The following CARMIL1 variants were observed in gnomAD, a reference collection of about 807,000 sequenced individuals.
CARMIL1 encodes capping protein regulator and myosin 1 linker 1.
A neutral mutation model predicts 177.1 loss-of-function variants in CARMIL1; 90 were observed. The ratio of observed to expected loss-of-function variants is 0.51; its 90% CI spans 0.43 to 0.61. The LOEUF (loss-of-function observed/expected upper bound fraction) is 0.61, where lower values mean the gene tolerates loss of function less well. Among genes scored for constraint, CARMIL1 ranks in the 20% least tolerant of loss-of-function variants. The probability of loss-of-function intolerance (pLI) is 0.00; values close to 1 mark genes in which losing one functional copy is unlikely to be tolerated. For missense variants in CARMIL1, 1,380 were observed against 1,667.0 expected (o/e 0.83, Z 3.00); for synonymous variants, 577 against 606.2 (o/e 0.95, Z 0.71).
At chr6:25,321,009 A>C (rs534431358) in intron 2 of CARMIL1, among the ~76,000 whole-genome samples, 2 of 152,314 alleles carry the variant, frequency 1.3e-5, no homozygotes, top group African/African-American at 4.8e-5. Context: ...TGAATTGGAC[A>C]AGCTTTATCT....
At chr6:25,335,504 C>A in intron 2 of CARMIL1, among the ~76,000 whole-genome samples, 1 of 152,168 alleles carries the variant, frequency 6.6e-6, no homozygotes, top group East Asian at 1.9e-4. Context: ...TGTTTTTAAT[C>A]TCCTTGTGAT....
At chr6:25,417,238 C>T (rs9379765) in intron 2 of CARMIL1, among the ~76,000 whole-genome samples, 6,363 of 152,154 alleles carry the variant, frequency 0.042, 251 homozygotes, top group South Asian at 0.11. Flanking sequence ...CAGACCTAGG[C>T]AAATGGCAGT....
At position 25,284,858 on chromosome 6, in the gene CARMIL1, G is replaced by A. The variant is rs774504246; in HGVS notation, c.87G>A (p.Lys29=). 3 of 1,573,884 alleles carry A rather than the reference G, an allele frequency of 1.9e-6. No homozygotes were observed. In the South Asian group the frequency reaches 3.5e-5, roughly 18 times the overall value. Reference sequence around the variant, plus strand: ...GCAGAAAGATAAAAATTTCAGTGAAGAAGAAAGTAAAGTTGGAAGTTAAGG... The same window carrying A: ...GCAGAAAGATAAAAATTTCAGTGAAAAAGAAAGTAAAGTTGGAAGTTAAGG... ...VIGRKIKISV[K]KKVKLEVKGD... Residue 29 remains lysine, a synonymous_variant, in exon 2 of 37, where the codon AAG becomes AAA. Transcript: ENST00000329474.
At chr6:25,540,840 C>G (rs893438800) in intron 26 of CARMIL1, among the ~76,000 whole-genome samples, 7 of 152,206 alleles carry the variant, frequency 4.6e-5, no homozygotes, top group Non-Finnish European at 1.0e-4. Context: ...TCATTAATAA[C>G]TTTGCAGCAT....
intron 33 of CARMIL1, among the ~76,000 whole-genome samples, chr6:25,603,965 C>A (rs114891703): frequency 0.062 from 9,433 of 152,198 alleles, 387 homozygotes; most frequent in Non-Finnish European, 0.093. Context: ...AATAATAGAT[C>A]TGTGTCATGT....
At chr6:25,584,878 G>C (rs1162468334) in intron 31 of CARMIL1, among the ~76,000 whole-genome samples, 1 of 152,110 alleles carries the variant, frequency 6.6e-6, no homozygotes, top group Non-Finnish European at 1.5e-5. Flanking sequence ...CATATTTTGG[G>C]GTAGCATGTC....
intron 2 of CARMIL1, among the ~76,000 whole-genome samples, chr6:25,411,129 A>G (rs1794866000): frequency 6.6e-6 from 1 of 152,194 alleles, no homozygotes; most frequent in African/African-American, 2.4e-5. Flanking sequence ...TTACTTGTGA[A>G]TTTATTTAAA....
chr6:25,607,689 C>A (rs1447677204), intron 35 of CARMIL1, among the ~76,000 whole-genome samples: 3 of 152,166 alleles, frequency 2.0e-5, no homozygotes, highest in Admixed American at 2.0e-4. Context: ...AAGGTAGAAT[C>A]CTGTGTGTCC....
intron 2 of CARMIL1, among the ~76,000 whole-genome samples, chr6:25,336,336 T>C (rs923220730): frequency 6.6e-6 from 1 of 152,160 alleles, no homozygotes; most frequent in Non-Finnish European, 1.5e-5. Context: ...TTTCAGCCAT[T>C]AGTACTCAGC....
rs138349136 is a variant in CARMIL1 at position 25,513,610 on chromosome 6, A to C, written c.1633-2065A>C. The stretch of plus-strand genomic sequence containing the variant: ...GAGTCTTGAAACCATCAACACCCTC[A>C]TTCTGTCTCCTGTAGCCCTTTGGTA... On this transcript the variant is annotated intron_variant, in intron 20 of 36. Transcript: ENST00000329474. Among the ~76,000 whole-genome samples the C allele has an allele frequency of 2.6e-3, 394 of 152,304 alleles. 1 individual carries two copies. Among genetic ancestry groups the C allele is most frequent in the Non-Finnish European group, 5.3e-3 (358 of 68,028 alleles).
intron 2 of CARMIL1, among the ~76,000 whole-genome samples, chr6:25,288,322 T>G (rs1168032003): frequency 3.3e-5 from 5 of 152,146 alleles, no homozygotes; most frequent in East Asian, 1.9e-4. Context: ...CTGAGTCCTG[T>G]CCTTGCAGTT....
At chr6:25,354,471 A>T (rs919000977) in intron 2 of CARMIL1, among the ~76,000 whole-genome samples, 4 of 146,774 alleles carry the variant, frequency 2.7e-5, no homozygotes, top group East Asian at 2.0e-4. Flanking sequence ...GAGCCACCGT[A>T]CTTGCCCTGC....
intron 36 of CARMIL1, among the ~76,000 whole-genome samples, chr6:25,611,422 T>A (rs1816495388): frequency 6.6e-6 from 1 of 152,260 alleles, no homozygotes; most frequent in East Asian, 1.9e-4. Flanking sequence ...CCTTTGGTGA[T>A]GCCATCTCAG....
rs1360067754 is a variant in CARMIL1, at chr6:25,510,663, G to A, written c.1578-45G>A. 4 of 1,504,836 alleles carry A rather than the reference G, an allele frequency of 2.7e-6. No homozygotes were observed. The African/African-American group carries it at 5.6e-5, about 21-fold the overall frequency. 93.2% of individuals were successfully genotyped at this position (1,504,836 alleles called of 1,614,324 possible). On this transcript the variant is annotated intron_variant, in intron 19 of 36. Coordinates refer to ENST00000329474, the MANE Select transcript of CARMIL1 (RefSeq NM_017640.6). The stretch of plus-strand genomic sequence containing the variant: ...GATGAAAATAACCAGCCTCCTGAAA[G>A]CTTTTGATTTGATTCCACTGTCCAC...
chr6:25,374,430 G>GT (rs1790775663), intron 2 of CARMIL1, among the ~76,000 whole-genome samples: 1 of 152,168 alleles, frequency 6.6e-6, no homozygotes, highest in Non-Finnish European at 1.5e-5. Flanking sequence ...ATCAAGGCTT[G>GT]TTTTGTGGCC....
intron 4 of CARMIL1, among the ~76,000 whole-genome samples, chr6:25,427,840 C>T (rs557056706): frequency 2.6e-5 from 4 of 152,122 alleles, no homozygotes; most frequent in Non-Finnish European, 4.4e-5. Flanking sequence ...TGTTTATTTG[C>T]CATCACGTAT....
intron 11 of CARMIL1, among the ~76,000 whole-genome samples, chr6:25,476,375 C>T (rs772451607): frequency 6.6e-6 from 1 of 152,154 alleles, no homozygotes; most frequent in Non-Finnish European, 1.5e-5. Context: ...ATTTTGACAT[C>T]CTGGAAATAT....
intron 2 of CARMIL1, among the ~76,000 whole-genome samples, chr6:25,359,716 G>A (rs1048426181): frequency 1.4e-4 from 21 of 152,190 alleles, no homozygotes; most frequent in Non-Finnish European, 2.6e-4. Flanking sequence ...TGGGTGCACT[G>A]ATGTGCACAG....
intron 2 of CARMIL1, among the ~76,000 whole-genome samples, chr6:25,300,343 A>C (rs1318792562): frequency 6.6e-6 from 1 of 152,210 alleles, no homozygotes; most frequent in Non-Finnish European, 1.5e-5. Flanking sequence ...GAGAAACAGC[A>C]ACATTAACAT....
Sources: gnomAD v4.1 joint callset for allele counts (sites outside exome capture counted in the v4.1 genomes callset) on GRCh38, gnomAD v4.1.1 for gene constraint, MANE v1.5 for transcripts, NCBI Gene and HGNC (gene_info 2026-07-23, HGNC 2026-07-21) for gene names.